CRYBG1: variants seen among roughly 807,000 people sequenced by gnomAD.
CRYBG1 encodes the protein crystallin beta-gamma domain containing 1.
A neutral mutation model predicts 189.2 loss-of-function variants in CRYBG1; 139 were observed. That is an observed-to-expected ratio of 0.73 (90% CI 0.64 to 0.85). The LOEUF (loss-of-function observed/expected upper bound fraction) is 0.85, where lower values mean the gene tolerates loss of function less well. Among genes scored for constraint, CRYBG1 ranks in the 40% least tolerant of loss-of-function variants. The pLI is 0.00. For synonymous variants in CRYBG1, 1,023 were observed against 1,017.1 expected, an observed-to-expected ratio of 1.01 and a Z score of -0.11; for missense variants, 2,611 against 2,675.8, an observed-to-expected ratio of 0.98 and a Z score of 0.53.
chr6:106,386,394 T>C (rs1294191505), intron 1 of CRYBG1, among the ~76,000 whole-genome samples: 1 of 152,206 alleles, frequency 6.6e-6, no homozygotes, highest in Non-Finnish European at 1.5e-5. Flanking sequence ...AATAAAATAA[T>C]GGATAGGCTG....
intron 1 of CRYBG1, among the ~76,000 whole-genome samples, chr6:106,387,118 G>A (rs1770406890): frequency 6.6e-6 from 1 of 152,084 alleles, no homozygotes; most frequent in South Asian, 2.1e-4. Flanking sequence ...ATCCAGAGGT[G>A]GAACCCAAGT....
At chr6:106,394,429 A>G (rs1296646704) in intron 1 of CRYBG1, among the ~76,000 whole-genome samples, 1 of 152,200 alleles carries the variant, frequency 6.6e-6, no homozygotes. Flanking sequence ...AATTTATTGT[A>G]AAAATGCTTT....
chr6:106,385,524 A>G (rs535018936), intron 1 of CRYBG1, among the ~76,000 whole-genome samples: 3 of 152,334 alleles, frequency 2.0e-5, no homozygotes, highest in Admixed American at 1.3e-4. Flanking sequence ...CTGATACATA[A>G]TCATTCAAAG....
intron 13 of CRYBG1, among the ~76,000 whole-genome samples, chr6:106,548,146 AGAG>A: frequency 6.6e-6 from 1 of 152,308 alleles, no homozygotes; most frequent in South Asian, 2.1e-4. Context: ...GTCTTTAAAC[AGAG>A]GAGTGTTGAT....
At chr6:106,537,234 C>T (rs1363783397) in intron 8 of CRYBG1, among the ~76,000 whole-genome samples, 2 of 152,206 alleles carry the variant, frequency 1.3e-5, no homozygotes, top group Admixed American at 6.5e-5. Flanking sequence ...GAAAAGGGTA[C>T]TTCGGTAAGA....
intron 8 of CRYBG1, among the ~76,000 whole-genome samples, chr6:106,534,895 A>G (rs1045428709): frequency 2.0e-5 from 3 of 152,194 alleles, no homozygotes; most frequent in African/African-American, 7.2e-5. Context: ...CAAAGGGAGT[A>G]TAAAGATGAT....
At chr6:106,428,443 C>A (rs572514257) in intron 1 of CRYBG1, among the ~76,000 whole-genome samples, 2 of 151,762 alleles carry the variant, frequency 1.3e-5, no homozygotes, top group African/African-American at 2.4e-5. Context: ...TTCTTTGGAA[C>A]GTTGAAGGCA....
intron 2 of CRYBG1, among the ~76,000 whole-genome samples, chr6:106,461,875 A>G (rs899076861): frequency 6.6e-5 from 10 of 152,174 alleles, no homozygotes; most frequent in Non-Finnish European, 1.2e-4. Flanking sequence ...CTCTCGGCAT[A>G]GGCGTCCTGA....
In CRYBG1 at chr6:106,511,956, C is replaced by T. The variant is rs1164298643; in HGVS notation, c.839C>T (p.Ser280Leu). 1 of 1,528,412 alleles carries T rather than the reference C, an allele frequency of 6.5e-7. No homozygotes were observed. The highest frequency in any genetic ancestry group is 1.2e-5 in the South Asian group (1 of 83,392). 94.7% of individuals were successfully genotyped at this position (1,528,412 alleles called of 1,614,324 possible). The part of the protein sequence containing the change: ...TPARSPGEDA[S>L]PGAGHEQEAF... ...GCCCGCAGTCCGGGGGAGGACGCTT[C>T]ACCAGGTGCTGGCCACGAACAGGAG... is the stretch of plus-strand genomic sequence containing the variant. The change falls in exon 3 of 22, where the codon TCA becomes TTA. Residue 280 changes from serine to leucine, a missense_variant. Around this residue, in one of 3 missense-constraint regions of CRYBG1, gnomAD observed 985 missense variants for 924.4 expected, o/e 1.07. Coordinates refer to ENST00000633556, the MANE Select transcript of CRYBG1 (RefSeq NM_001371242.2).
intron 13 of CRYBG1, among the ~76,000 whole-genome samples, chr6:106,549,715 T>TA (rs1250319999): frequency 3.9e-5 from 6 of 152,300 alleles, no homozygotes; most frequent in African/African-American, 1.2e-4. Flanking sequence ...AGCTTCTCCA[T>TA]TTGGATGGCT....
chr6:106,428,621 T>A (rs553572962), intron 1 of CRYBG1, among the ~76,000 whole-genome samples: 1 of 152,314 alleles, frequency 6.6e-6, no homozygotes, highest in South Asian at 2.1e-4. Context: ...AGGTGAAGAA[T>A]CTTAAAGTCA....
chr6:106,460,293 T>A (rs908628607), intron 2 of CRYBG1, among the ~76,000 whole-genome samples: 4 of 152,164 alleles, frequency 2.6e-5, no homozygotes, highest in Admixed American at 2.6e-4. Flanking sequence ...GCCCAGCCAG[T>A]CTGAGCTCTT....
chr6:106,498,639 C>A (rs1430286944), intron 2 of CRYBG1, among the ~76,000 whole-genome samples: 1 of 152,106 alleles, frequency 6.6e-6, no homozygotes, highest in African/African-American at 2.4e-5. Context: ...GTTTGGGAGG[C>A]TGAGGTGGGC....
chr6:106,521,561 T>C (rs1325002662), intron 4 of CRYBG1, 108 bp downstream of exon 4: 2 of 1,235,478 alleles, frequency 1.6e-6, no homozygotes, highest in Non-Finnish European at 2.2e-6. Flanking sequence ...GCTTATGTGC[T>C]ATAGTTTTTA....
chr6:106,483,402 AAAACATTTTCTT>A (rs1289640445), intron 2 of CRYBG1, among the ~76,000 whole-genome samples: 14 of 88,212 alleles, frequency 1.6e-4, no homozygotes, highest in East Asian at 8.0e-4. Context: ...ATATATATAT[AAAACATTTTCTT>A]TATCTACTTA....
chr6:106,426,663 G>A (rs944998608), intron 1 of CRYBG1, among the ~76,000 whole-genome samples: 1 of 152,170 alleles, frequency 6.6e-6, no homozygotes, highest in Non-Finnish European at 1.5e-5. Context: ...TGTCCCCAGT[G>A]GGCAGAGTCT....
intron 2 of CRYBG1, among the ~76,000 whole-genome samples, chr6:106,510,464 A>C (rs935750924): frequency 1.3e-5 from 2 of 152,108 alleles, no homozygotes; most frequent in Non-Finnish European, 2.9e-5. Context: ...GCTCCAGGAG[A>C]TATAAGAAGC....
intron 1 of CRYBG1, among the ~76,000 whole-genome samples, chr6:106,451,235 A>G (rs573757694): frequency 6.6e-6 from 1 of 152,262 alleles, no homozygotes; most frequent in African/African-American, 2.4e-5. Flanking sequence ...AATCCTAGGA[A>G]CAGTTCCCAT....
intron 3 of CRYBG1, among the ~76,000 whole-genome samples, chr6:106,518,018 A>G (rs915438206): frequency 6.6e-6 from 1 of 152,224 alleles, no homozygotes; most frequent in African/African-American, 2.4e-5. Flanking sequence ...CATCCATATG[A>G]TGGACTTCCA....
Sources: gnomAD v4.1 joint callset for allele counts (sites outside exome capture counted in the v4.1 genomes callset) on GRCh38, gnomAD v4.1.1 for gene constraint, gnomAD v4.1.1 regional missense constraint, MANE v1.5 for transcripts, NCBI Gene and HGNC (gene_info 2026-07-23, HGNC 2026-07-21) for gene names.